Variants in VPS8 observed in about 807,000 individuals in gnomAD.
VPS8 encodes the protein vacuolar protein sorting-associated protein 8 homolog.
Under a neutral mutation model 216.4 loss-of-function variants are expected in VPS8, and 129 were observed. The observed-to-expected ratio is 0.60, with a 90% confidence interval of 0.52 to 0.69. The LOEUF (loss-of-function observed/expected upper bound fraction) is 0.69. Among genes scored for constraint, VPS8 ranks in the 30% least tolerant of loss-of-function variants. The pLI is 0.00. For missense variants in VPS8, 1,531 were observed against 1,683.5 expected (o/e 0.91, Z 1.59); for synonymous variants, 571 against 565.4 (o/e 1.01, Z -0.14).
At chr3:184,980,169 C>T (rs558199124) in intron 40 of VPS8, among the ~76,000 whole-genome samples, 107 of 151,996 alleles carry the variant, frequency 7.0e-4, no homozygotes, top group African/African-American at 2.5e-3. Context: ...CACTGTTTGC[C>T]CAATGGGGTT....
Position 184,935,699 on chromosome 3 carries a change from A to G in VPS8, c.2899-547A>G, listed in dbSNP as rs1442728762. Among the ~76,000 whole-genome samples the G allele has an allele frequency of 2.6e-5, 4 of 152,230 alleles. No homozygotes were observed. The South Asian group carries it at 8.3e-4, about 32-fold the overall frequency. On this transcript the variant is annotated intron_variant, in intron 34 of 47. Coordinates refer to ENST00000625842, the MANE Select transcript of VPS8 (RefSeq NM_001009921.3). ...AAGGGGAGGTCAAATTAAAAGTCTTATATTTGACAAATACATTTTATTAAC... is the reference window on the plus strand; with the variant it reads ...AAGGGGAGGTCAAATTAAAAGTCTTGTATTTGACAAATACATTTTATTAAC...
chr3:184,996,745 G>A (rs1044963418), intron 44 of VPS8, among the ~76,000 whole-genome samples: 1 of 152,154 alleles, frequency 6.6e-6, no homozygotes, highest in African/African-American at 2.4e-5. Flanking sequence ...GAAGGATGAT[G>A]AGTTCAGGAC....
At chr3:184,841,148 G>C (rs184783944) in intron 7 of VPS8, among the ~76,000 whole-genome samples, 1 of 152,192 alleles carries the variant, frequency 6.6e-6, no homozygotes, top group African/African-American at 2.4e-5. Context: ...GATTGAAAAA[G>C]ACTCTTAAAA....
chr3:185,034,953 G>A (rs57503350), intron 46 of VPS8, among the ~76,000 whole-genome samples: 6,031 of 152,106 alleles, frequency 0.04, 212 homozygotes, highest in East Asian at 0.1. Flanking sequence ...AAGACTTTCC[G>A]AACATCAGGA....
At chr3:184,970,846 A>G (rs1203233156) in intron 39 of VPS8, among the ~76,000 whole-genome samples, 1 of 152,222 alleles carries the variant, frequency 6.6e-6, no homozygotes, top group African/African-American at 2.4e-5. Context: ...TTGCAGTAGC[A>G]TAGACGAGGT....
chr3:184,996,777 A>G (rs753490139), intron 44 of VPS8, among the ~76,000 whole-genome samples: 86 of 152,348 alleles, frequency 5.6e-4, no homozygotes, highest in Admixed American at 9.1e-4. Flanking sequence ...AATGAGGGAA[A>G]GCATATCTGA....
In VPS8 at chr3:184,900,885, A is replaced by G. The variant is rs78908868; in HGVS notation, c.2095-36A>G. ...TATTTTTTAAATAATATCATTTGAGATGATGATGATTGTTTTCCTATTAAT... is the reference window on the plus strand; with the variant it reads ...TATTTTTTAAATAATATCATTTGAGGTGATGATGATTGTTTTCCTATTAAT... On this transcript the variant is annotated intron_variant, in intron 24 of 47. Coordinates refer to ENST00000625842, the MANE Select transcript of VPS8 (RefSeq NM_001009921.3). 1,833 of 1,535,652 alleles carry G rather than the reference A, an allele frequency of 1.2e-3. 36 individuals are homozygous for G. The African/African-American group carries it at 0.021, about 18-fold the overall frequency.
chr3:184,916,176 T>TTGC, intron 28 of VPS8, among the ~76,000 whole-genome samples: 1 of 152,352 alleles, frequency 6.6e-6, no homozygotes, highest in Middle Eastern at 3.4e-3. Flanking sequence ...CGGAAGCTTT[T>TTGC]TGCTGAAAAA....
chr3:184,820,260 C>T (rs1448345010), intron 1 of VPS8, among the ~76,000 whole-genome samples: 2 of 152,184 alleles, frequency 1.3e-5, no homozygotes, highest in South Asian at 2.1e-4. Context: ...TGGAGGCTCT[C>T]GGAGACCATC....
intron 45 of VPS8, among the ~76,000 whole-genome samples, chr3:185,008,637 C>T (rs756929440): frequency 9.9e-5 from 15 of 151,926 alleles, no homozygotes; most frequent in African/African-American, 3.4e-4. Context: ...AAGGCTAAGG[C>T]GGTACCAGCC....
intron 45 of VPS8, among the ~76,000 whole-genome samples, chr3:185,006,026 T>C (rs900305347): frequency 6.6e-6 from 1 of 152,242 alleles, no homozygotes; most frequent in Non-Finnish European, 1.5e-5. Flanking sequence ...AAAGTTTGTT[T>C]CTGGGGCTAT....
At chr3:185,010,512 AC>A (rs1306991160) in intron 45 of VPS8, among the ~76,000 whole-genome samples, 1 of 152,226 alleles carries the variant, frequency 6.6e-6, no homozygotes, top group Admixed American at 6.5e-5. Context: ...AGCTAGAAGA[AC>A]AATTGAATAC....
chr3:184,976,966 G>T (rs1008171934), intron 40 of VPS8, among the ~76,000 whole-genome samples: 1 of 151,954 alleles, frequency 6.6e-6, no homozygotes, highest in Non-Finnish European at 1.5e-5. Flanking sequence ...TTTTCCTTTG[G>T]GTATATTCCA....
intron 14 of VPS8, among the ~76,000 whole-genome samples, chr3:184,858,756 A>G (rs1226267115): frequency 6.6e-6 from 1 of 152,212 alleles, no homozygotes; most frequent in African/African-American, 2.4e-5. Context: ...AAAGTCAACA[A>G]GCAAAATGCC....
intron 35 of VPS8, among the ~76,000 whole-genome samples, chr3:184,937,863 A>G (rs183365193): frequency 2.6e-5 from 4 of 152,324 alleles, no homozygotes; most frequent in Non-Finnish European, 5.9e-5. Context: ...GGGAGGAGCT[A>G]AACTAGAGGG....
intron 42 of VPS8, among the ~76,000 whole-genome samples, chr3:184,988,662 C>G (rs957748649): frequency 4.6e-5 from 7 of 152,154 alleles, no homozygotes; most frequent in African/African-American, 1.7e-4. Flanking sequence ...CTTTAAACTT[C>G]AGAAACGGTT....
chr3:184,961,793 G>A (rs2109525167), intron 37 of VPS8, among the ~76,000 whole-genome samples: 1 of 148,238 alleles, frequency 6.7e-6, no homozygotes, highest in East Asian at 2.0e-4. Context: ...TTTAGACAGA[G>A]TCTCTCTCTG....
intron 35 of VPS8, 127 bp from the exon 36 acceptor site, chr3:184,940,070 A>G: frequency 2.9e-6 from 1 of 339,692 alleles, no homozygotes; most frequent in Non-Finnish European, 5.4e-6. Flanking sequence ...AGATCTGTAC[A>G]GAGGGCTTTG....
chr3:185,023,679 A>T (rs540376449), intron 45 of VPS8, among the ~76,000 whole-genome samples: 14 of 146,498 alleles, frequency 9.6e-5, no homozygotes, highest in African/African-American at 3.4e-4. Context: ...TAAATAATTA[A>T]AAAAAAAATG....
Sources: allele counts gnomAD v4.1 joint callset (sites outside exome capture counted in the v4.1 genomes callset), GRCh38; gene constraint gnomAD v4.1.1; transcripts MANE v1.5; gene names NCBI Gene and HGNC (gene_info 2026-07-23, HGNC 2026-07-21).